PIKFYVE: variants seen among roughly 807,000 people sequenced by gnomAD.
The protein encoded by PIKFYVE is 1-phosphatidylinositol 3-phosphate 5-kinase.
PIKFYVE carries 122 observed loss-of-function variants against 257.9 expected under a neutral mutation model. The observed-to-expected ratio is 0.47, with a 90% CI of 0.41 to 0.55. The LOEUF is 0.55. PIKFYVE is among the 20% of genes least tolerant of loss of function. The pLI is 0.00. For missense variants in PIKFYVE, 2,160 were observed against 2,536.6 expected, an observed-to-expected ratio of 0.85 and a Z score of 3.19; for synonymous variants, 892 against 868.9, an observed-to-expected ratio of 1.03 and a Z score of -0.47.
intron 32 of PIKFYVE, among the ~76,000 whole-genome samples, chr2:208,344,107 C>G (rs550060277): frequency 2.6e-5 from 4 of 152,030 alleles, no homozygotes; most frequent in African/African-American, 7.3e-5. Flanking sequence ...CGTGAGCCAC[C>G]GCACCCAGCC....
intron 23 of PIKFYVE, among the ~76,000 whole-genome samples, chr2:208,331,852 T>C (rs994057869): frequency 6.6e-6 from 1 of 152,354 alleles, no homozygotes; most frequent in South Asian, 2.1e-4. Context: ...AGTTTCATAA[T>C]TGTTCTTACC....
chr2:208,310,318 C>G (rs1014877180), intron 12 of PIKFYVE, among the ~76,000 whole-genome samples: 1 of 151,884 alleles, frequency 6.6e-6, no homozygotes, highest in Admixed American at 6.6e-5. Flanking sequence ...TATGGATTGT[C>G]CTATATTGTT....
intron 32 of PIKFYVE, among the ~76,000 whole-genome samples, chr2:208,343,957 A>G (rs1047797056): frequency 6.6e-6 from 1 of 151,452 alleles, no homozygotes; most frequent in Non-Finnish European, 1.5e-5. Context: ...TCAGCCTCCC[A>G]AGTAGCCCGC....
At position 208,345,153 on chromosome 2, in the gene PIKFYVE, G is replaced by C; in HGVS notation, c.5070G>C (p.Ala1690=). 4.3e-6 allele frequency: 7 copies of C among 1,612,938 alleles called. No individual in the cohort carries two copies. The highest frequency in any genetic ancestry group is 5.9e-6 in the Non-Finnish European group (7 of 1,179,088). Residue 1690 remains alanine (A), a synonymous_variant, in exon 33 of 42, where the codon GCG becomes GCC. Coordinates refer to ENST00000264380, the MANE Select transcript of PIKFYVE (RefSeq NM_015040.4). Reference sequence around the variant, plus strand: ...ATGCCTTAGAGGAATTGTCTAAAGCGACTCAGTGGAACAGTGCCGAAGAAG... The same window carrying C: ...ATGCCTTAGAGGAATTGTCTAAAGCCACTCAGTGGAACAGTGCCGAAGAAG... ...YRNALEELSK[A]TQWNSAEEGL...
Position 208,298,690 on chromosome 2 carries a change from G to A in PIKFYVE, c.961G>A (p.Val321Ile), listed in dbSNP as rs758742671. The A allele has an allele frequency of 1.2e-6, 2 of 1,613,720 alleles. No individual in the cohort carries two copies. Among genetic ancestry groups the A allele is most frequent in the East Asian group, 2.2e-5 (1 of 44,880 alleles). ...LSLDRSGSPM[V>I]PSYETSVSPQ... is the part of the protein sequence containing the mutation. ...ACTGGATAGATCTGGTTCTCCTATG[G>A]TACCTTCATATGAGACATCTGTCAG... Residue 321 changes from valine (V) to isoleucine (I), a missense_variant, in exon 8 of 42, where the codon GTA becomes ATA. Around this residue, in one of 12 missense-constraint regions of PIKFYVE, gnomAD observed 187 missense variants for 185.6 expected, o/e 1.01. Transcript: ENST00000264380.
Position 208,277,663 on chromosome 2 carries a change from C to T in PIKFYVE, c.568C>T (p.Arg190Cys), listed in dbSNP as rs772716038. 7.4e-6 allele frequency: 12 copies of T among 1,613,830 alleles called. No individual in the cohort carries two copies. Among genetic ancestry groups the T allele is most frequent in the East Asian group, 2.2e-5 (1 of 44,868 alleles). ...CRLCGQIFCS[R>C]CCNQEIPGKF... The stretch of plus-strand genomic sequence containing the variant: ...ACTATGTGGGCAGATTTTCTGCAGT[C>T]GTTGCTGTAATCAAGAAATCCCTGG... Residue 190 changes from arginine (R) to cysteine (C), a missense_variant, in exon 5 of 42, where the codon CGT becomes TGT. By Grantham distance (180) the Arg-to-Cys change is radical (BLOSUM62 -3). This residue lies in a region of PIKFYVE where 28 missense variants were observed against 68.2 expected (regional missense o/e 0.41). Coordinates refer to ENST00000264380, the MANE Select transcript of PIKFYVE (RefSeq NM_015040.4).
intron 21 of PIKFYVE, among the ~76,000 whole-genome samples, chr2:208,329,349 A>G (rs556298325): frequency 3.3e-5 from 5 of 152,310 alleles, no homozygotes; most frequent in Admixed American, 2.0e-4. Flanking sequence ...GAGTTTATAT[A>G]TAGGTCAAGG....
Position 208,335,782 on chromosome 2 carries a change from G to A in PIKFYVE, c.4257-11G>A, listed in dbSNP as rs368133911. On this transcript the variant is annotated splice_polypyrimidine_tract_variant and intron_variant, in intron 25 of 41. Transcript: ENST00000264380. ...CCTTTCTAAAGTGTTTAATGCTCTC[G>A]CTATTGTTAGAGTTTCACAGGTATA... 4 of 1,586,882 alleles carry A rather than the reference G, an allele frequency of 2.5e-6. No homozygotes were observed. The highest frequency in any genetic ancestry group is 2.2e-5 in the East Asian group (1 of 44,596).
intron 25 of PIKFYVE, 50 bp downstream of exon 25, chr2:208,335,469 TA>T (rs1419718644): frequency 1.5e-6 from 2 of 1,308,694 alleles, no homozygotes. Flanking sequence ...ACAGCTATTT[TA>T]AAGTATCAGA....
Position 208,298,735 on chromosome 2 carries a change from T to C in PIKFYVE, c.1006T>C (p.Tyr336His). ...TSVSPQANRT[Y>H]VRTETTEDER... is the part of the protein sequence containing the mutation. ...TGTCAGTCCCCAGGCTAACCGAACA[T>C]ATGTTAGGACAGAGACCACTGAGGA... The change falls in exon 8 of 42, where the codon TAT (tyrosine) becomes CAT (histidine). Residue 336 changes from tyrosine to histidine, a missense_variant. By Grantham distance (83) the Tyr-to-His change is moderately conservative. This residue lies in a region of PIKFYVE where 187 missense variants were observed against 185.6 expected (regional missense o/e 1.01). Coordinates refer to ENST00000264380, the MANE Select transcript of PIKFYVE (RefSeq NM_015040.4). The C allele has an allele frequency of 6.2e-7, 1 of 1,614,162 alleles. No homozygotes were observed. The highest frequency in any genetic ancestry group is 1.1e-5 in the South Asian group (1 of 91,086).
At chr2:208,344,494 G>A (rs1280231624) in intron 32 of PIKFYVE, among the ~76,000 whole-genome samples, 1 of 152,024 alleles carries the variant, frequency 6.6e-6, no homozygotes. Context: ...TATATTAATA[G>A]GTAAGAAAGG....
intron 14 of PIKFYVE, among the ~76,000 whole-genome samples, chr2:208,314,703 C>T (rs1403170129): frequency 6.6e-6 from 1 of 152,166 alleles, no homozygotes; most frequent in Non-Finnish European, 1.5e-5. Context: ...TTGAGACCAG[C>T]CTGGCCAACA....
At position 208,271,625 on chromosome 2, in the gene PIKFYVE, G is replaced by T; in HGVS notation, c.106G>T (p.Asp36Tyr). 1 of 1,614,052 alleles carries T rather than the reference G, an allele frequency of 6.2e-7. No individual in the cohort carries two copies. Among genetic ancestry groups the T allele is most frequent in the South Asian group, 1.1e-5 (1 of 91,070 alleles). ...HLTHFKPLTP[D>Y]QDEPPFKSAY... is the part of the protein sequence containing the mutation. The stretch of plus-strand genomic sequence containing the variant: ...CACACACTTTAAACCTTTGACTCCT[G>T]ATCAAGATGAGCCCCCTTTTAAATC... The change falls in exon 2 of 42, where the codon GAT becomes TAT. Residue 36 changes from aspartate to tyrosine, a missense_variant. Asp to Tyr is a radical substitution (Grantham distance 160). Around this residue, in one of 12 missense-constraint regions of PIKFYVE, gnomAD observed 172 missense variants for 180.6 expected, o/e 0.95. Coordinates refer to ENST00000264380, the MANE Select transcript of PIKFYVE (RefSeq NM_015040.4).
At chr2:208,305,249 G>T (rs1694185520) in intron 12 of PIKFYVE, 5 of 1,387,620 alleles carry the variant, frequency 3.6e-6, no homozygotes, top group Non-Finnish European at 4.7e-6. Flanking sequence ...AAAGCTTGTA[G>T]TCTTTAAAAG....
intron 23 of PIKFYVE, among the ~76,000 whole-genome samples, chr2:208,332,189 A>G (rs1242380964): frequency 2.0e-5 from 3 of 152,202 alleles, no homozygotes; most frequent in Non-Finnish European, 4.4e-5. Flanking sequence ...TTTAATGCAA[A>G]TGGCTACTAA....
At chr2:208,350,564 A>T (rs1699682403) in intron 36 of PIKFYVE, among the ~76,000 whole-genome samples, 1 of 152,068 alleles carries the variant, frequency 6.6e-6, no homozygotes, top group African/African-American at 2.4e-5. Flanking sequence ...GAAAGTATGT[A>T]AGGATGGTCA....
At chr2:208,293,082 C>CTTTT (rs60283252) in intron 7 of PIKFYVE, among the ~76,000 whole-genome samples, 1 of 137,602 alleles carries the variant, frequency 7.3e-6, no homozygotes, top group African/African-American at 2.7e-5. Flanking sequence ...GAGTTACATT[C>CTTTT]TTTTTTTTTT....
chr2:208,267,317 A>C (rs1688769606), intron 1 of PIKFYVE, among the ~76,000 whole-genome samples: 1 of 152,106 alleles, frequency 6.6e-6, no homozygotes, highest in South Asian at 2.1e-4. Flanking sequence ...TGTTTGTGAC[A>C]AAGATTGTGT....
Position 208,339,529 on chromosome 2 carries a change from A to G in PIKFYVE, c.4784A>G (p.Glu1595Gly), listed in dbSNP as rs146663122. 1.2e-5 allele frequency: 20 copies of G among 1,614,140 alleles called. No individual in the cohort carries two copies. Among genetic ancestry groups the G allele is most frequent in the Non-Finnish European group, 1.7e-5 (20 of 1,179,992 alleles). ...GAACAGTCAGTGGGAGGGCCCCCTG[A>G]GCTAGATACAGCCAGCAGTTCCGAA... ...MSEQSVGGPP[E>G]LDTASSSEDV... is the part of the protein sequence containing the mutation. Residue 1595 changes from glutamate (E) to glycine (G), a missense_variant, in exon 30 of 42, where the codon GAG (glutamate) becomes GGG (glycine). By Grantham distance (98) the Glu-to-Gly change is moderately conservative (BLOSUM62 -2). This residue lies in a region of PIKFYVE where 699 missense variants were observed against 855.8 expected (regional missense o/e 0.82). Transcript: ENST00000264380.
Sources: gnomAD v4.1 joint callset for allele counts (sites outside exome capture counted in the v4.1 genomes callset) on GRCh38, gnomAD v4.1.1 for gene constraint, gnomAD v4.1.1 regional missense constraint, MANE v1.5 for transcripts, NCBI Gene and HGNC (gene_info 2026-07-23, HGNC 2026-07-21) for gene names.